CHM: variants seen among roughly 807,000 people sequenced by gnomAD.
CHM encodes rab proteins geranylgeranyltransferase component A 1.
Under a neutral mutation model 49.0 loss-of-function variants are expected in CHM, and 10 were observed. That is an observed-to-expected ratio of 0.20 (90% CI 0.13 to 0.35). The LOEUF (loss-of-function observed/expected upper bound fraction) is 0.35. Ranked by LOEUF, CHM falls within the 10% of genes least tolerant of loss-of-function variation. The pLI is 1.00. For synonymous variants in CHM, 184 were observed against 167.5 expected (o/e 1.10, Z -0.76); for missense variants, 455 against 478.4 (o/e 0.95, Z 0.46).
In CHM at chrX:85,988,289, T is replaced by C. The variant is rs919239363; in HGVS notation, c.117-6480A>G. Among the ~76,000 whole-genome samples, 4 of 112,165 alleles carry C rather than the reference T, an allele frequency of 3.6e-5. 1 individual carries two copies. The Admixed American group carries it at 3.8e-4, about 11-fold the overall frequency. On this transcript the variant is annotated intron_variant, in intron 2 of 14. Transcript: ENST00000357749. Reference sequence around the variant, plus strand: ...ATCTCAATAGATGCAGGAAAGACTTTTGATAAAATTCAACACTCATTCATG... The same window carrying C: ...ATCTCAATAGATGCAGGAAAGACTTCTGATAAAATTCAACACTCATTCATG...
intron 2 of CHM, among the ~76,000 whole-genome samples, chrX:86,017,045 T>A (rs147848341): frequency 1.8e-5 from 2 of 112,421 alleles, no homozygotes; most frequent in African/African-American, 6.5e-5. Flanking sequence ...TCCACTAGAT[T>A]TCGGACTTGC....
intron 8 of CHM, among the ~76,000 whole-genome samples, chrX:85,955,596 C>T (rs371194162): frequency 1.8e-5 from 2 of 111,912 alleles, no homozygotes; most frequent in Non-Finnish European, 3.8e-5. Flanking sequence ...ACATGTAAAG[C>T]TTTGGGTATT....
chrX:86,033,131 A>G (rs1298629304), intron 1 of CHM, among the ~76,000 whole-genome samples: 1 of 111,738 alleles, frequency 8.9e-6, no homozygotes, highest in Non-Finnish European at 1.9e-5. Flanking sequence ...ATTTACAACT[A>G]TAACATTTAG....
intron 14 of CHM, among the ~76,000 whole-genome samples, chrX:85,870,329 T>G (rs988493363): frequency 2.7e-5 from 3 of 111,892 alleles, no homozygotes; most frequent in Non-Finnish European, 5.6e-5. Context: ...CTCAAAGGCA[T>G]GAGAAAACAA....
At chrX:86,043,666 T>C (rs1032471339) in intron 1 of CHM, among the ~76,000 whole-genome samples, 4 of 110,727 alleles carry the variant, frequency 3.6e-5, no homozygotes, top group Admixed American at 9.6e-5. Context: ...GCTCAAGCAA[T>C]CCACCTGCCT....
intron 11 of CHM, among the ~76,000 whole-genome samples, chrX:85,896,086 C>A (rs1925808767): frequency 9.6e-6 from 1 of 104,569 alleles, no homozygotes; most frequent in African/African-American, 3.5e-5. Flanking sequence ...TTTACCTGGA[C>A]CCACACCTAT....
chrX:85,965,414 T>A (rs1930523252), intron 4 of CHM, among the ~76,000 whole-genome samples: 1 of 111,872 alleles, frequency 8.9e-6, no homozygotes, highest in Admixed American at 9.5e-5. Context: ...TTTTCCAGTA[T>A]ATCCTTTATC....
Position 85,863,586 on chromosome X carries a change from T to C in CHM, c.*1044A>G, listed in dbSNP as rs907535528. The C allele has an allele frequency of 9.8e-5, 11 of 112,434 alleles. No individual in the cohort carries two copies. In the East Asian group the frequency reaches 1.7e-3, roughly 17 times the overall value. The allele number at this position is 112,434 out of a possible 1,213,427, so 9.3% of individuals were successfully genotyped here. On this transcript the variant is annotated 3_prime_UTR_variant, in exon 15 of 15. Coordinates refer to ENST00000357749, the MANE Select transcript of CHM (RefSeq NM_000390.4). ...TACTACTTTAAAAAAGAAATTTTCA[T>C]TTAAAAAGCTTAATGCAATAAAAAC... is the stretch of plus-strand genomic sequence containing the variant.
At chrX:85,999,315 C>T (rs1212086632) in intron 2 of CHM, among the ~76,000 whole-genome samples, 4 of 110,620 alleles carry the variant, frequency 3.6e-5, no homozygotes, top group Admixed American at 9.6e-5. Flanking sequence ...TTATTTGGAC[C>T]CATGACATAA....
intron 4 of CHM, chrX:85,970,277 A>T (rs1049952953): frequency 9.3e-6 from 7 of 751,660 alleles, no homozygotes; most frequent in South Asian, 1.4e-4. Context: ...AGAATATTGG[A>T]TTCTTCCCAT....
chrX:85,867,088 C>T (rs750856210), intron 14 of CHM, among the ~76,000 whole-genome samples: 2 of 111,110 alleles, frequency 1.8e-5, no homozygotes, highest in Non-Finnish European at 1.9e-5. Flanking sequence ...TGGGAAGGGT[C>T]GGGGCAGAAT....
At chrX:85,888,302 T>C (rs1410448243) in intron 12 of CHM, among the ~76,000 whole-genome samples, 1 of 112,182 alleles carries the variant, frequency 8.9e-6, no homozygotes, top group Non-Finnish European at 1.9e-5. Flanking sequence ...AGTTATTAAA[T>C]GCAAGTTTAA....
intron 2 of CHM, among the ~76,000 whole-genome samples, chrX:86,021,065 T>C (rs1319092927): frequency 4.1e-5 from 4 of 96,662 alleles, no homozygotes; most frequent in Admixed American, 2.4e-4. Context: ...CACATATATA[T>C]ACACATATAT....
At chrX:85,979,035 A>G (rs753517255) in intron 3 of CHM, 144 bp from the exon 4 acceptor site, 29 of 556,832 alleles carry the variant, frequency 5.2e-5, no homozygotes, top group Non-Finnish European at 7.1e-5. Flanking sequence ...GTCACCAAAG[A>G]AAGTCCAACA....
Position 86,027,677 on chromosome X carries a change from T to G in CHM, c.50-120A>C, listed in dbSNP as rs781513947. ...AACCACCAAAGAGACCCATCCTTGC[T>G]TGTATTCAGAATTATAAAGTTTATA... On this transcript the variant is annotated intron_variant, in intron 1 of 14. Coordinates refer to ENST00000357749, the MANE Select transcript of CHM (RefSeq NM_000390.4). 1.1e-5 allele frequency: 6 copies of G among 550,307 alleles called. No individual in the cohort carries two copies. The South Asian group carries it at 1.7e-4, about 15-fold the overall frequency. 45.4% of individuals were successfully genotyped at this position (550,307 alleles called of 1,213,427 possible).
chrX:85,931,590 C>T (rs760774909), intron 8 of CHM, among the ~76,000 whole-genome samples: 26 of 111,468 alleles, frequency 2.3e-4, no homozygotes, highest in Non-Finnish European at 3.6e-4. Context: ...AGATGATTTA[C>T]GGATCTACTA....
At chrX:85,965,727 T>C (rs1174378612) in intron 4 of CHM, among the ~76,000 whole-genome samples, 7 of 111,530 alleles carry the variant, frequency 6.3e-5, no homozygotes. Context: ...GGGACAATGA[T>C]AGAATAACAC....
chrX:86,035,503 T>C (rs1934198279), intron 1 of CHM, among the ~76,000 whole-genome samples: 1 of 110,883 alleles, frequency 9.0e-6, no homozygotes, highest in Non-Finnish European at 1.9e-5. Context: ...AAAAAATCAT[T>C]TCAGATAAGA....
intron 1 of CHM, among the ~76,000 whole-genome samples, chrX:86,031,735 G>C (rs1428072933): frequency 9.0e-6 from 1 of 111,704 alleles, no homozygotes; most frequent in Non-Finnish European, 1.9e-5. Context: ...AGCTACTCGG[G>C]AGGCTGAGGC....
Sources: allele counts gnomAD v4.1 joint callset (sites outside exome capture counted in the v4.1 genomes callset), GRCh38; gene constraint gnomAD v4.1.1; transcripts MANE v1.5; gene names NCBI Gene and HGNC (gene_info 2026-07-23, HGNC 2026-07-21).